The following CCDC197 variants were observed in gnomAD, a reference collection of about 807,000 sequenced individuals.
CCDC197 encodes uncharacterized protein CCDC197.
Under a neutral mutation model 13.4 loss-of-function variants are expected in CCDC197, and 24 were observed. The ratio of observed to expected loss-of-function variants is 1.80; its 90% CI spans 1.30 to 2.53. The LOEUF (loss-of-function observed/expected upper bound fraction) is 2.53, where lower values mean the gene tolerates loss of function less well. Ranked by LOEUF, CCDC197 falls within the 30% of genes most tolerant of loss-of-function variation. CCDC197 has a pLI of 0.00. For synonymous variants in CCDC197, 99 were observed against 55.5 expected, an observed-to-expected ratio of 1.78 and a Z score of -3.48; for missense variants, 255 against 148.8, an observed-to-expected ratio of 1.71 and a Z score of -3.71.
intron 1 of CCDC197, among the ~76,000 whole-genome samples, chr14:93,988,445 AG>A (rs1453351514): frequency 3.4e-5 from 2 of 59,652 alleles, no homozygotes; most frequent in African/African-American, 7.6e-5. Context: ...AGAGGATGGG[AG>A]GAGGAGATGG....
intron 6 of CCDC197, among the ~76,000 whole-genome samples, chr14:94,006,331 C>T (rs1187376906): frequency 6.6e-6 from 1 of 151,216 alleles, no homozygotes; most frequent in South Asian, 2.1e-4. Context: ...AAATTATTTG[C>T]CCATTAAAAA....
chr14:94,002,472 T>C (rs1462469643), intron 4 of CCDC197, among the ~76,000 whole-genome samples: 1 of 152,070 alleles, frequency 6.6e-6, no homozygotes, highest in African/African-American at 2.4e-5. Flanking sequence ...ATCTTTCAAA[T>C]TCCTATCCCA....
upstream of CCDC197, among the ~76,000 whole-genome samples, chr14:93,995,685 A>G (rs1372928775): frequency 6.6e-6 from 1 of 152,128 alleles, no homozygotes; most frequent in Non-Finnish European, 1.5e-5. Flanking sequence ...GAGGATGATG[A>G]AAAGGGGTTG....
At chr14:94,001,005 T>C in intron 3 of CCDC197, 140 bp from the exon 4 acceptor site, 2 of 534,714 alleles carry the variant, frequency 3.7e-6, no homozygotes, top group East Asian at 3.4e-5. Context: ...GGGACCATCC[T>C]ACTGTCTGGG....
At chr14:94,004,758 T>G in intron 5 of CCDC197, 97 bp from the exon 6 acceptor site, 1 of 649,310 alleles carries the variant, frequency 1.5e-6, no homozygotes, top group Non-Finnish European at 2.8e-6. Flanking sequence ...GTCCCAGCTC[T>G]GTCCACGACA....
At chr14:93,990,010 G>C (rs1251088779) in intron 1 of CCDC197, among the ~76,000 whole-genome samples, 1 of 152,142 alleles carries the variant, frequency 6.6e-6, no homozygotes, top group African/African-American at 2.4e-5. Context: ...TCAGCAATGA[G>C]AACCTCTGTT....
Position 93,997,470 on chromosome 14 carries a change from C to A in CCDC197, c.-235C>A, listed in dbSNP as rs1235550376. On this transcript the variant is annotated 5_prime_UTR_variant, in exon 1 of 7. Transcript: ENST00000636493. ...TGGCCTTGGGTGAGTGGCTCAGGAA[C>A]AGTTTGCAAGACCGTGTTGAAGCTA... is the stretch of plus-strand genomic sequence containing the variant. 1 of 152,498 alleles carries A rather than the reference C, an allele frequency of 6.6e-6. No individual in the cohort carries two copies. Among genetic ancestry groups the A allele is most frequent in the Non-Finnish European group, 1.5e-5 (1 of 68,280 alleles). 9.4% of individuals were successfully genotyped at this position (152,498 alleles called of 1,614,324 possible). A position where few individuals can be genotyped will look rare whatever the true frequency, so the allele number is the denominator to read the frequency against.
At position 94,008,801 on chromosome 14, in the gene CCDC197, G is replaced by A. The variant is rs1022724065; in HGVS notation, c.808G>A (p.Gly270Ser). The A allele has an allele frequency of 4.8e-5, 34 of 701,632 alleles. No homozygotes were observed. The highest frequency in any genetic ancestry group is 8.6e-5 in the Non-Finnish European group (33 of 384,442). 43.5% of individuals were successfully genotyped at this position (701,632 alleles called of 1,614,324 possible). ...CAGCCCCCATGCTTCAGAGTGCTCCGGCCTGTACTGACCAGCCTGCGCCTT... is the reference window on the plus strand; with the variant it reads ...CAGCCCCCATGCTTCAGAGTGCTCCAGCCTGTACTGACCAGCCTGCGCCTT... ...FPSPHASECS[G>S]LY The change falls in exon 7 of 7, where the codon GGC (glycine) becomes AGC (serine). Residue 270 changes from glycine to serine, a missense_variant. Coordinates refer to ENST00000636493, the MANE Select transcript of CCDC197 (RefSeq NM_001351596.2).
intron 6 of CCDC197, among the ~76,000 whole-genome samples, chr14:94,005,972 A>C (rs12437139): frequency 0.037 from 5,588 of 152,272 alleles, 173 homozygotes; most frequent in African/African-American, 0.081. Flanking sequence ...ATTTGTGTAC[A>C]CATTTTTATG....
chr14:94,011,043 G>A (rs573266920), downstream of CCDC197, among the ~76,000 whole-genome samples: 9 of 152,288 alleles, frequency 5.9e-5, no homozygotes, highest in African/African-American at 1.9e-4. Context: ...GAAAACCACT[G>A]CTTTAGAGTA....
Position 94,002,205 on chromosome 14 carries a change from G to T in CCDC197, c.366+882G>T, listed in dbSNP as rs781410638. 5.1e-4 allele frequency among the ~76,000 whole-genome samples: 77 copies of T among 152,238 alleles called. 1 individual carries two copies. The highest frequency in any genetic ancestry group is 2.0e-3 in the Admixed American group (30 of 15,282). On this transcript the variant is annotated intron_variant, in intron 4 of 6. Transcript: ENST00000636493. ...GCCTCAGAGAAGCGGGGCCACGGGGGTATGTCCTGCGTCTGTCTTTCTCTC... is the reference window on the plus strand; with the variant it reads ...GCCTCAGAGAAGCGGGGCCACGGGGTTATGTCCTGCGTCTGTCTTTCTCTC...
At chr14:94,007,464 T>G (rs1890714767) in intron 6 of CCDC197, 2 of 152,242 alleles carry the variant, frequency 1.3e-5, no homozygotes, top group Non-Finnish European at 2.9e-5. Context: ...GATTCTTGAT[T>G]CTATTCCATT....
chr14:93,999,838 T>C (rs558990416), intron 3 of CCDC197, among the ~76,000 whole-genome samples, 173 bp downstream of exon 3: 1 of 152,302 alleles, frequency 6.6e-6, no homozygotes, highest in East Asian at 1.9e-4. Flanking sequence ...CGAGTCTGAC[T>C]GCTTGGTCCC....
chr14:93,992,764 C>T (rs991407059), upstream of CCDC197, among the ~76,000 whole-genome samples: 1 of 152,230 alleles, frequency 6.6e-6, no homozygotes, highest in South Asian at 2.1e-4. Flanking sequence ...TTACAGTGTC[C>T]TAGGACCTGC....
intron 4 of CCDC197, among the ~76,000 whole-genome samples, chr14:94,002,544 G>A (rs1026485347): frequency 6.6e-6 from 1 of 152,110 alleles, no homozygotes; most frequent in Non-Finnish European, 1.5e-5. Context: ...AAACACCTGA[G>A]ACTGGGTAAT....
chr14:93,990,280 G>C (rs1890186100), intron 1 of CCDC197, among the ~76,000 whole-genome samples: 1 of 152,178 alleles, frequency 6.6e-6, no homozygotes, highest in African/African-American at 2.4e-5. Context: ...TCTTAGATCT[G>C]TTTCTTTCCT....
upstream of CCDC197, among the ~76,000 whole-genome samples, chr14:93,992,881 G>A (rs115343049): frequency 6.4e-3 from 971 of 152,304 alleles, 12 homozygotes; most frequent in African/African-American, 0.022. Context: ...GGGCCTCAGA[G>A]GAGGTGGGGC....
chr14:94,006,404 G>T (rs961235223), intron 6 of CCDC197, among the ~76,000 whole-genome samples: 1 of 151,288 alleles, frequency 6.6e-6, no homozygotes, highest in African/African-American at 2.4e-5. Flanking sequence ...CCAGGCTGGA[G>T]TGCAATGGCA....
At chr14:94,002,312 A>G (rs1379567247) in intron 4 of CCDC197, among the ~76,000 whole-genome samples, 5 of 151,210 alleles carry the variant, frequency 3.3e-5, no homozygotes, top group African/African-American at 1.2e-4. Context: ...TTTGGGAGAC[A>G]GGGTTTCACT....
Sources: gnomAD v4.1 joint callset for allele counts (sites outside exome capture counted in the v4.1 genomes callset) on GRCh38, gnomAD v4.1.1 for gene constraint, MANE v1.5 for transcripts, NCBI Gene and HGNC (gene_info 2026-07-23, HGNC 2026-07-21) for gene names.